Variants in SMARCC1 observed in about 807,000 individuals in gnomAD.
SMARCC1 encodes SWI/SNF related BAF chromatin remodeling complex subunit C1, also known as SWI/SNF complex subunit SMARCC1.
Under a neutral mutation model 147.4 loss-of-function variants are expected in SMARCC1, and 43 were observed. The observed-to-expected ratio is 0.29, with a 90% CI of 0.23 to 0.38. The LOEUF (loss-of-function observed/expected upper bound fraction) is 0.38. Among genes scored for constraint, SMARCC1 ranks in the 10% least tolerant of loss-of-function variants. SMARCC1 has a pLI of 1.00. For synonymous variants in SMARCC1, 495 were observed against 484.4 expected (o/e 1.02, Z -0.29); for missense variants, 1,119 against 1,381.1 (o/e 0.81, Z 3.01).
intron 7 of SMARCC1, among the ~76,000 whole-genome samples, chr3:47,715,158 T>C (rs1481875168): frequency 6.6e-6 from 1 of 152,198 alleles, no homozygotes; most frequent in Non-Finnish European, 1.5e-5. Flanking sequence ...CCCTTGCTAA[T>C]TTCATTCATT....
intron 21 of SMARCC1, among the ~76,000 whole-genome samples, chr3:47,651,122 T>C (rs1402229327): frequency 6.6e-6 from 1 of 152,058 alleles, no homozygotes; most frequent in Non-Finnish European, 1.5e-5. Context: ...CTAAGCAACA[T>C]GGCGAAACCC....
intron 6 of SMARCC1, among the ~76,000 whole-genome samples, chr3:47,722,771 G>A (rs1017916504): frequency 6.6e-6 from 1 of 152,156 alleles, no homozygotes; most frequent in Admixed American, 6.6e-5. Context: ...TAAGGCCAAT[G>A]CCATTGAAAG....
chr3:47,632,790 GA>G (rs1210860013), intron 24 of SMARCC1, among the ~76,000 whole-genome samples: 9 of 152,188 alleles, frequency 5.9e-5, no homozygotes, highest in African/African-American at 2.2e-4. Context: ...GGACAGGTAA[GA>G]AATAAGGGTT....
chr3:47,665,975 T>C (rs1490513867), intron 19 of SMARCC1, among the ~76,000 whole-genome samples: 2 of 152,146 alleles, frequency 1.3e-5, no homozygotes, highest in Admixed American at 1.3e-4. Context: ...CTTTCTATAG[T>C]AATTTCATCC....
chr3:47,611,068 C>T (rs2032557472), intron 25 of SMARCC1, among the ~76,000 whole-genome samples: 1 of 152,114 alleles, frequency 6.6e-6, no homozygotes, highest in Non-Finnish European at 1.5e-5. Flanking sequence ...AAGAGAAATA[C>T]AGTATTATAT....
intron 5 of SMARCC1, among the ~76,000 whole-genome samples, chr3:47,732,774 C>T (rs2106825122): frequency 6.6e-6 from 1 of 152,230 alleles, no homozygotes; most frequent in East Asian, 1.9e-4. Context: ...AAAATAGTAT[C>T]AAATAGCACC....
chr3:47,713,682 C>A (rs1173340384), intron 8 of SMARCC1, among the ~76,000 whole-genome samples: 1 of 152,094 alleles, frequency 6.6e-6, no homozygotes, highest in African/African-American at 2.4e-5. Context: ...TGTGAGCCAC[C>A]ATGCCCCATA....
intron 26 of SMARCC1, among the ~76,000 whole-genome samples, chr3:47,592,558 C>T (rs952559960): frequency 1.3e-5 from 2 of 152,176 alleles, no homozygotes; most frequent in Non-Finnish European, 2.9e-5. Context: ...TGATGGTAAA[C>T]ATTCACTAGT....
chr3:47,726,383 G>A (rs548068120), intron 6 of SMARCC1, among the ~76,000 whole-genome samples: 2 of 151,466 alleles, frequency 1.3e-5, no homozygotes, highest in East Asian at 3.9e-4. Context: ...ATGGTGGAAC[G>A]CTTTTAAAGA....
chr3:47,651,001 G>A (rs980330895), intron 21 of SMARCC1, among the ~76,000 whole-genome samples: 1 of 152,002 alleles, frequency 6.6e-6, no homozygotes, highest in Non-Finnish European at 1.5e-5. Flanking sequence ...AGTAAGACTT[G>A]AAAAAATATA....
chr3:47,770,781 T>C (rs1328058798), intron 2 of SMARCC1, among the ~76,000 whole-genome samples: 6 of 152,206 alleles, frequency 3.9e-5, no homozygotes, highest in African/African-American at 1.2e-4. Flanking sequence ...CCAATTATAA[T>C]TCAAAATGAG....
At chr3:47,777,572 G>T (rs2106882439) in intron 1 of SMARCC1, among the ~76,000 whole-genome samples, 1 of 152,078 alleles carries the variant, frequency 6.6e-6, no homozygotes, top group Non-Finnish European at 1.5e-5. Context: ...CTGTAGCCTA[G>T]GCTGGAGTGC....
intron 5 of SMARCC1, among the ~76,000 whole-genome samples, chr3:47,730,186 TAAAA>T (rs941543215): frequency 3.3e-5 from 5 of 150,732 alleles, no homozygotes; most frequent in Non-Finnish European, 7.4e-5. Flanking sequence ...AAATAAAAAA[TAAAA>T]AAAAAGTTAC....
At chr3:47,767,550 A>AT (rs2034854895) in intron 2 of SMARCC1, among the ~76,000 whole-genome samples, 3 of 137,896 alleles carry the variant, frequency 2.2e-5, no homozygotes, top group African/African-American at 8.0e-5. Flanking sequence ...CTCCACTCTG[A>AT]TTTAAAAAAA....
At chr3:47,755,533 C>A (rs1445560074) in intron 2 of SMARCC1, among the ~76,000 whole-genome samples, 1 of 147,972 alleles carries the variant, frequency 6.8e-6, no homozygotes, top group Non-Finnish European at 1.5e-5. Flanking sequence ...AAATAAAAAG[C>A]GAATTTAAAA....
rs779237031 is a variant in SMARCC1 at position 47,590,646 on chromosome 3, C to T, written c.3220+15G>A. ...CGGACCCTGAGATAATGCATCCCCC[C>T]TCCATGTTACTTACACATGCCGTTA... On this transcript the variant is annotated intron_variant, in intron 27 of 27. Transcript: ENST00000254480. The T allele has an allele frequency of 4.7e-6, 7 of 1,498,304 alleles. No individual in the cohort carries two copies. Among genetic ancestry groups the T allele is most frequent in the Non-Finnish European group, 6.2e-6 (7 of 1,128,972 alleles). 92.8% of individuals were successfully genotyped at this position (1,498,304 alleles called of 1,614,324 possible). A position where few individuals can be genotyped will look rare whatever the true frequency, so the allele number is the denominator to read the frequency against.
intron 14 of SMARCC1, 101 bp downstream of exon 14, chr3:47,685,948 A>T: frequency 1.1e-6 from 1 of 869,852 alleles, no homozygotes; most frequent in South Asian, 1.8e-5. Flanking sequence ...AAGTGATAGT[A>T]ATTTCTGATA....
At chr3:47,646,560 C>G (rs1191375850) in intron 21 of SMARCC1, among the ~76,000 whole-genome samples, 2 of 152,168 alleles carry the variant, frequency 1.3e-5, no homozygotes, top group Non-Finnish European at 2.9e-5. Flanking sequence ...TAATTATTTC[C>G]TAACAGGCTG....
intron 2 of SMARCC1, among the ~76,000 whole-genome samples, chr3:47,759,605 C>A: frequency 2.8e-5 from 2 of 70,216 alleles, no homozygotes; most frequent in African/African-American, 4.2e-5. Flanking sequence ...TGGGACAGAG[C>A]TAGACTCCGT....
Sources: allele counts gnomAD v4.1 joint callset (sites outside exome capture counted in the v4.1 genomes callset), GRCh38; gene constraint gnomAD v4.1.1; transcripts MANE v1.5; gene names NCBI Gene and HGNC (gene_info 2026-07-23, HGNC 2026-07-21).